Variants in MEGF9 observed in about 807,000 individuals in gnomAD.
The protein encoded by MEGF9 is multiple EGF like domains 9, also known as multiple epidermal growth factor-like domains protein 9.
A neutral mutation model predicts 46.8 loss-of-function variants in MEGF9; 6 were observed. The observed-to-expected ratio is 0.13, with a 90% confidence interval of 0.07 to 0.25. The LOEUF (loss-of-function observed/expected upper bound fraction) is 0.25. Ranked by LOEUF, MEGF9 falls within the 10% of genes least tolerant of loss-of-function variation. The pLI is 1.00. For synonymous variants in MEGF9, 302 were observed against 330.7 expected (o/e 0.91, Z 0.94); for missense variants, 683 against 792.4 (o/e 0.86, Z 1.66).
intron 2 of MEGF9, among the ~76,000 whole-genome samples, chr9:120,651,104 G>C (rs1371150976): frequency 6.6e-6 from 1 of 152,172 alleles, no homozygotes; most frequent in Admixed American, 6.5e-5. Context: ...CAATATAACA[G>C]ATATTGCAAT....
In MEGF9 at chr9:120,605,169, A is replaced by T; in HGVS notation, c.*21T>A. ...TCTTAGCAAGCACTGTGGTTTAACAATTCAGAACAGTTCTAGCTCCTTAGG... is the reference window on the plus strand; with the variant it reads ...TCTTAGCAAGCACTGTGGTTTAACATTTCAGAACAGTTCTAGCTCCTTAGG... On this transcript the variant is annotated 3_prime_UTR_variant, in exon 6 of 6. Coordinates refer to ENST00000373930, the MANE Select transcript of MEGF9 (RefSeq NM_001080497.3). This position sits in a 1 kb window ranked among gnomAD's most constrained non-coding sequence, Gnocchi z 4.0. 6.3e-7 allele frequency: 1 copy of T among 1,594,864 alleles called. No homozygotes were observed. The highest frequency in any genetic ancestry group is 8.5e-7 in the Non-Finnish European group (1 of 1,170,276).
At chr9:120,658,266 C>A (rs942931256) in intron 2 of MEGF9, among the ~76,000 whole-genome samples, 1 of 152,086 alleles carries the variant, frequency 6.6e-6, no homozygotes, top group East Asian at 1.9e-4. Context: ...GGATTACAGG[C>A]GTGAGCCACC....
intron 5 of MEGF9, among the ~76,000 whole-genome samples, chr9:120,607,345 C>T (rs2043423844): frequency 6.6e-6 from 1 of 152,176 alleles, no homozygotes; most frequent in African/African-American, 2.4e-5. Context: ...AGAATGAACT[C>T]CAGCTTCTCA....
chr9:120,648,685 GTTAA>G (rs2043635815), intron 2 of MEGF9, among the ~76,000 whole-genome samples: 1 of 152,102 alleles, frequency 6.6e-6, no homozygotes, highest in Admixed American at 6.5e-5. Context: ...TTTCTAAATT[GTTAA>G]TTGTTTCTAG....
chr9:120,611,861 A>AGAGAGAGAGAG (rs1554794248), intron 4 of MEGF9, among the ~76,000 whole-genome samples: 1 of 121,326 alleles, frequency 8.2e-6, no homozygotes, highest in African/African-American at 3.5e-5. Flanking sequence ...GGAAGGAAGG[A>AGAGAGAGAGAG]AGAAAGAGAG....
At chr9:120,641,626 T>C (rs1287683523) in intron 2 of MEGF9, among the ~76,000 whole-genome samples, 1 of 152,216 alleles carries the variant, frequency 6.6e-6, no homozygotes, top group Non-Finnish European at 1.5e-5. Flanking sequence ...TTTTATTCAA[T>C]AGGTCTGGTG....
At chr9:120,712,282 A>G (rs948552453) in intron 1 of MEGF9, among the ~76,000 whole-genome samples, 1 of 152,084 alleles carries the variant, frequency 6.6e-6, no homozygotes, top group Non-Finnish European at 1.5e-5. Context: ...AAAACAAAAA[A>G]AGTCTTCACA....
chr9:120,651,791 T>C (rs1564420663), intron 2 of MEGF9, among the ~76,000 whole-genome samples: 1 of 151,646 alleles, frequency 6.6e-6, no homozygotes. Context: ...TAGCTGGGAT[T>C]ACAGGCACCC....
intron 3 of MEGF9, among the ~76,000 whole-genome samples, 199 bp downstream of exon 3, chr9:120,622,417 C>CTTTTTTTTTTTTT (rs59380409): frequency 8.1e-4 from 82 of 101,000 alleles, no homozygotes; most frequent in Non-Finnish European, 1.1e-3. Context: ...AGGTATATGA[C>CTTTTTTTTTTTTT]TTTTTTTTTT....
Position 120,604,838 on chromosome 9 carries a change from A to G in MEGF9, c.*352T>C. 4.3e-6 allele frequency: 1 copy of G among 235,082 alleles called. No homozygotes were observed. The highest frequency in any genetic ancestry group is 8.9e-5 in the East Asian group (1 of 11,242). 14.6% of individuals were successfully genotyped at this position (235,082 alleles called of 1,614,324 possible). A position where few individuals can be genotyped will look rare whatever the true frequency, so the allele number is the denominator to read the frequency against. ...TCTTCCAGCAGTCTTTTCCCCCTCCACATTCATCATCTTGTTACCACTGGC... is the reference window on the plus strand; with the variant it reads ...TCTTCCAGCAGTCTTTTCCCCCTCCGCATTCATCATCTTGTTACCACTGGC... On this transcript the variant is annotated 3_prime_UTR_variant, in exon 6 of 6. Coordinates refer to ENST00000373930, the MANE Select transcript of MEGF9 (RefSeq NM_001080497.3).
At chr9:120,712,078 G>T (rs2043956654) in intron 1 of MEGF9, among the ~76,000 whole-genome samples, 1 of 152,076 alleles carries the variant, frequency 6.6e-6, no homozygotes, top group South Asian at 2.1e-4. Flanking sequence ...GCAATATAGT[G>T]AGCCCTCATC....
intron 2 of MEGF9, among the ~76,000 whole-genome samples, chr9:120,650,693 T>C (rs1564420398): frequency 1.3e-5 from 2 of 152,256 alleles, no homozygotes; most frequent in Non-Finnish European, 2.9e-5. Flanking sequence ...CAGGATAGAA[T>C]TGAATCCACT....
chr9:120,615,962 A>G (rs556290378), intron 3 of MEGF9, among the ~76,000 whole-genome samples: 2 of 152,186 alleles, frequency 1.3e-5, no homozygotes, highest in East Asian at 1.9e-4. Flanking sequence ...CACTGTTTAC[A>G]TTGCTTTAAG....
intron 2 of MEGF9, among the ~76,000 whole-genome samples, chr9:120,627,618 A>C (rs2043530883): frequency 2.0e-5 from 3 of 152,044 alleles, no homozygotes; most frequent in Admixed American, 2.0e-4. Flanking sequence ...ATGCACTATC[A>C]CGCCCGGCTA....
intron 2 of MEGF9, among the ~76,000 whole-genome samples, chr9:120,658,267 G>A (rs1451478532): frequency 1.3e-5 from 2 of 152,140 alleles, no homozygotes; most frequent in African/African-American, 4.8e-5. Context: ...GATTACAGGC[G>A]TGAGCCACCG....
intron 1 of MEGF9, among the ~76,000 whole-genome samples, chr9:120,693,275 CAAA>C (rs10633158): frequency 9.6e-6 from 1 of 104,464 alleles, no homozygotes; most frequent in Middle Eastern, 5.2e-3. Flanking sequence ...TCTGGTTAAC[CAAA>C]AAAAAAAAAA....
In MEGF9 at chr9:120,612,532, A is replaced by G. The variant is rs369381365; in HGVS notation, c.951T>C (p.Cys317=). 3.1e-6 allele frequency: 5 copies of G among 1,608,810 alleles called. No individual in the cohort carries two copies. Among genetic ancestry groups the G allele is most frequent in the Non-Finnish European group, 4.2e-6 (5 of 1,178,112 alleles). The part of the protein sequence containing the change: ...SASCDALTGA[C]LNCQENSKGN... ...CTTTGCTATTTTCCTGGCAGTTTAA[A>G]CAAGCACCTAAAAGAAGCAAATTAT... The change falls in exon 4 of 6, where the codon TGT becomes TGC. Residue 317 remains cysteine (C), a synonymous_variant. Transcript: ENST00000373930.
At position 120,659,550 on chromosome 9, in the gene MEGF9, A is replaced by C. The variant is rs2043692615; in HGVS notation, c.627T>G (p.Val209=). 1 of 1,612,688 alleles carries C rather than the reference A, an allele frequency of 6.2e-7. No homozygotes were observed. Among genetic ancestry groups the C allele is most frequent in the Non-Finnish European group, 8.5e-7 (1 of 1,179,398 alleles). ...TGCAGCGATTCACATTCAGGCTTCC[A>C]ACCACAGAGCAGTTACATACATACT... The part of the protein sequence containing the change: ...PPEYVCNCSV[V]GSLNVNRCNQ... Residue 209 remains valine, a synonymous_variant, in exon 2 of 6, where the codon GTT becomes GTG. Coordinates refer to ENST00000373930, the MANE Select transcript of MEGF9 (RefSeq NM_001080497.3).
At chr9:120,656,747 C>T (rs1347737428) in intron 2 of MEGF9, among the ~76,000 whole-genome samples, 1 of 151,814 alleles carries the variant, frequency 6.6e-6, no homozygotes, top group Non-Finnish European at 1.5e-5. Flanking sequence ...AGGGACAGGA[C>T]ATGGATTATT....
Sources: gnomAD v4.1 joint callset for allele counts (sites outside exome capture counted in the v4.1 genomes callset) on GRCh38, gnomAD v4.1.1 for gene constraint, Gnocchi (gnomAD v3.1) non-coding constraint, MANE v1.5 for transcripts, NCBI Gene and HGNC (gene_info 2026-07-23, HGNC 2026-07-21) for gene names.